DLG3: variants seen among roughly 807,000 people sequenced by gnomAD.
DLG3 encodes the protein disks large homolog 3.
A neutral mutation model predicts 64.1 loss-of-function variants in DLG3; 1 was observed. The ratio of observed to expected loss-of-function variants is 0.02; its 90% CI spans 0.01 to 0.07. The LOEUF (loss-of-function observed/expected upper bound fraction) is 0.07, where lower values mean the gene tolerates loss of function less well. DLG3 is among the 10% of genes least tolerant of loss of function. DLG3 has a pLI of 1.00. For synonymous variants in DLG3, 245 were observed against 259.8 expected (o/e 0.94, Z 0.55); for missense variants, 429 against 669.5 (o/e 0.64, Z 3.96).
intron 12 of DLG3, among the ~76,000 whole-genome samples, chrX:70,495,064 C>G (rs919725303): frequency 8.9e-6 from 1 of 111,774 alleles, no homozygotes; most frequent in Non-Finnish European, 1.9e-5. Context: ...TGTCACCTGT[C>G]CTGTCCCATT....
intron 9 of DLG3, among the ~76,000 whole-genome samples, chrX:70,476,246 G>GA (rs1315265806): frequency 8.9e-6 from 1 of 112,093 alleles, no homozygotes; most frequent in African/African-American, 3.2e-5. Flanking sequence ...ATCTGAATGG[G>GA]AAAAAACAAA....
chrX:70,450,223 A>G lies in DLG3; in HGVS notation c.758A>G (p.Asn253Ser). 1 of 1,209,827 alleles carries G rather than the reference A, an allele frequency of 8.3e-7. No individual in the cohort carries two copies. ...GIGNQHIPGD[N>S]SIYITKIIEG... ...GGCAACCAGCACATCCCAGGAGACA[A>G]CAGCATCTACATCACCAAGATCATT... Residue 253 changes from asparagine to serine, a missense_variant, in exon 5 of 19, where the codon AAC becomes AGC. Asn to Ser is a conservative substitution (Grantham distance 46, BLOSUM62 1). Transcript: ENST00000374360.
intron 1 of DLG3, among the ~76,000 whole-genome samples, chrX:70,446,858 C>T (rs765231022): frequency 8.9e-6 from 1 of 112,180 alleles, no homozygotes; most frequent in Non-Finnish European, 1.9e-5. Context: ...AGCTGGTGAC[C>T]GTTCTGGCTG....
At chrX:70,473,733 A>G (rs778691589) in intron 9 of DLG3, among the ~76,000 whole-genome samples, 4 of 110,612 alleles carry the variant, frequency 3.6e-5, no homozygotes, top group Admixed American at 1.9e-4. Flanking sequence ...AGCTAGGACT[A>G]TAGGTGTGCA....
At chrX:70,468,530 A>T (rs1265070444) in intron 9 of DLG3, among the ~76,000 whole-genome samples, 3 of 111,599 alleles carry the variant, frequency 2.7e-5, no homozygotes, top group Non-Finnish European at 1.9e-5. Flanking sequence ...TCAGGATGGT[A>T]TCCAGAACCC....
At chrX:70,460,394 A>C (rs1432200178) in intron 9 of DLG3, among the ~76,000 whole-genome samples, 7 of 110,904 alleles carry the variant, frequency 6.3e-5, no homozygotes, top group African/African-American at 2.3e-4. Context: ...AGCCTGAGGG[A>C]GATCCCTTCT....
At chrX:70,479,360 G>A (rs2087114022) in intron 10 of DLG3, 96 bp downstream of exon 10, 18 of 641,433 alleles carry the variant, frequency 2.8e-5, no homozygotes, top group Middle Eastern at 3.8e-4. Flanking sequence ...TAGGGAGTAT[G>A]TACTCCCAGT....
At chrX:70,465,212 G>C (rs777572487) in intron 9 of DLG3, among the ~76,000 whole-genome samples, 25 of 112,054 alleles carry the variant, frequency 2.2e-4, no homozygotes, top group South Asian at 1.5e-3. Context: ...AAATTTTCTT[G>C]ATGGACAGGG....
intron 10 of DLG3, among the ~76,000 whole-genome samples, chrX:70,487,130 CTT>C (rs1353343976): frequency 8.9e-6 from 1 of 112,394 alleles, no homozygotes; most frequent in Non-Finnish European, 1.9e-5. Context: ...GGCCTACTCT[CTT>C]TTACTGGTTT....
intron 18 of DLG3, 151 bp from the exon 19 acceptor site, chrX:70,502,012 C>G (rs2087572596): frequency 2.0e-6 from 1 of 497,806 alleles, no homozygotes. Context: ...TGAACCCAAG[C>G]CCAAACCCAT....
chrX:70,479,704 C>A (rs1019910030), intron 10 of DLG3, among the ~76,000 whole-genome samples: 4 of 110,967 alleles, frequency 3.6e-5, no homozygotes, highest in Non-Finnish European at 5.7e-5. Context: ...TTTTAAGAGA[C>A]CAAAGAACTG....
chrX:70,470,593 G>A (rs1285404849), intron 9 of DLG3, among the ~76,000 whole-genome samples: 1 of 111,180 alleles, frequency 9.0e-6, no homozygotes, highest in East Asian at 2.8e-4. Context: ...ATCTTCATTC[G>A]AGTCATTGGT....
intron 6 of DLG3, 139 bp from the exon 7 acceptor site, chrX:70,451,728 T>A (rs2147773033): frequency 2.8e-6 from 2 of 704,871 alleles, no homozygotes; most frequent in Admixed American, 2.6e-5. Flanking sequence ...GTGGATGGAG[T>A]GGGGAGGTGC....
chrX:70,467,197 C>G (rs1345857192), intron 9 of DLG3, among the ~76,000 whole-genome samples: 22 of 112,202 alleles, frequency 2.0e-4, no homozygotes, highest in Non-Finnish European at 3.8e-5. Context: ...GGATTACAGC[C>G]AAGAGCCACT....
At chrX:70,461,619 G>A (rs1325950942) in intron 9 of DLG3, among the ~76,000 whole-genome samples, 2 of 107,766 alleles carry the variant, frequency 1.9e-5, no homozygotes, top group Non-Finnish European at 3.8e-5. Context: ...CACCCAGGCT[G>A]GAGTGCAATG....
chrX:70,501,436 T>TGTGTGTGTGTGTGTGTGTAA (rs2147895022), intron 18 of DLG3, among the ~76,000 whole-genome samples: 1 of 110,295 alleles, frequency 9.1e-6, no homozygotes, highest in South Asian at 4.0e-4. Context: ...TGTGTGTGTG[T>TGTGTGTGTGTGTGTGTGTAA]GTGTGTAAGG....
At chrX:70,452,236 G>A (rs2086626811) in intron 7 of DLG3, 2 of 1,074,944 alleles carry the variant, frequency 1.9e-6, no homozygotes, top group Admixed American at 7.7e-5. Flanking sequence ...TCTACCATCA[G>A]GGGGAGTGCC....
At chrX:70,460,665 G>T (rs1602901800) in intron 9 of DLG3, among the ~76,000 whole-genome samples, 2 of 112,112 alleles carry the variant, frequency 1.8e-5, no homozygotes, top group Admixed American at 1.9e-4. Context: ...TGTTCACAGA[G>T]TTGTGCAGCC....
intron 10 of DLG3, among the ~76,000 whole-genome samples, chrX:70,482,396 T>C (rs2087169978): frequency 8.9e-6 from 1 of 112,308 alleles, no homozygotes; most frequent in Non-Finnish European, 1.9e-5. Context: ...TCTCTTTAAA[T>C]GGCTTTTAAT....
Sources: allele counts gnomAD v4.1 joint callset (sites outside exome capture counted in the v4.1 genomes callset), GRCh38; gene constraint gnomAD v4.1.1; transcripts MANE v1.5; gene names NCBI Gene and HGNC (gene_info 2026-07-23, HGNC 2026-07-21).